Variants in PCDHGA5 observed in about 807,000 individuals in gnomAD.
PCDHGA5 encodes the protein protocadherin gamma-A5.
A neutral mutation model predicts 56.7 loss-of-function variants in PCDHGA5; 36 were observed. The observed-to-expected ratio is 0.64, with a 90% CI of 0.49 to 0.84. The LOEUF (loss-of-function observed/expected upper bound fraction) is 0.84, where lower values mean the gene tolerates loss of function less well. PCDHGA5 is among the 40% of genes least tolerant of loss of function. The pLI is 0.00. For synonymous variants in PCDHGA5, 563 were observed against 520.2 expected (o/e 1.08, Z -1.12); for missense variants, 1,305 against 1,201.5 (o/e 1.09, Z -1.27).
chr5:141,383,860 G>C lies in PCDHGA5; in HGVS notation c.2421+17109G>C, dbSNP rs772168555. On this transcript the variant is annotated intron_variant, in intron 1 of 3. Coordinates refer to ENST00000518069, the MANE Select transcript of PCDHGA5 (RefSeq NM_018918.3). ...TGCCTTCTATGAAATGGAGGTTCAG[G>C]CTCAAGATGGTCCTGGTAGTCTGAC... 6 of 1,613,808 alleles carry C rather than the reference G, an allele frequency of 3.7e-6. No homozygotes were observed. The Admixed American group carries it at 8.3e-5, about 22-fold the overall frequency.
chr5:141,405,265 C>T lies in PCDHGA5; in HGVS notation c.2421+38514C>T, dbSNP rs769240639. The T allele has an allele frequency of 4.3e-6, 7 of 1,614,106 alleles. No homozygotes were observed. In the Admixed American group the frequency reaches 1.2e-4, roughly 27 times the overall value. Reference sequence around the variant, plus strand: ...CAAGGAAGAGTCACCTGATCTTCCCCCAGCCCAACTATGCAGACACACTCA... The same window carrying T: ...CAAGGAAGAGTCACCTGATCTTCCCTCAGCCCAACTATGCAGACACACTCA... On this transcript the variant is annotated intron_variant, in intron 1 of 3. Coordinates refer to ENST00000518069, the MANE Select transcript of PCDHGA5 (RefSeq NM_018918.3).
chr5:141,483,786 C>T (rs2099587125), intron 1 of PCDHGA5, among the ~76,000 whole-genome samples: 1 of 152,136 alleles, frequency 6.6e-6, no homozygotes, highest in African/African-American at 2.4e-5. Context: ...AGGATAAGAA[C>T]TCCAGTTGTT....
At chr5:141,371,175 G>T (rs753971437) in intron 1 of PCDHGA5, 1 of 1,614,004 alleles carries the variant, frequency 6.2e-7, no homozygotes, top group South Asian at 1.1e-5. Flanking sequence ...TGGCTCCTCC[G>T]TATTAAAAGT....
chr5:141,372,259 G>A (rs1229622208), intron 1 of PCDHGA5: 9 of 1,613,108 alleles, frequency 5.6e-6, no homozygotes, highest in Non-Finnish European at 7.6e-6. Context: ...CTGGGCCTGC[G>A]CACGGGTGAG....
chr5:141,429,861 A>C (rs1483953460), intron 1 of PCDHGA5, among the ~76,000 whole-genome samples: 1 of 152,226 alleles, frequency 6.6e-6, no homozygotes, highest in Non-Finnish European at 1.5e-5. Flanking sequence ...TCTTTGGACT[A>C]CCAATTTTCT....
chr5:141,366,095 A>T lies in PCDHGA5; in HGVS notation c.1765A>T (p.Thr589Ser). 2 of 1,614,228 alleles carry T rather than the reference A, an allele frequency of 1.2e-6. No individual in the cohort carries two copies. Among genetic ancestry groups the T allele is most frequent in the African/African-American group, 1.3e-5 (1 of 75,074 alleles). The change falls in exon 1 of 4, where the codon ACC becomes TCC. Residue 589 changes from threonine to serine, a missense_variant. Thr to Ser is a moderately conservative substitution (Grantham distance 58). Coordinates refer to ENST00000518069, the MANE Select transcript of PCDHGA5 (RefSeq NM_018918.3). ...PRSAEPGYLV[T>S]KVVAVDKDSG... ...CTCCGCAGAACCTGGCTACCTGGTG[A>T]CCAAGGTGGTAGCGGTGGACAAAGA...
At chr5:141,372,252 G>A (rs768560692) in intron 1 of PCDHGA5, 4 of 1,613,140 alleles carry the variant, frequency 2.5e-6, no homozygotes, top group Admixed American at 1.7e-5. Context: ...GTTCAGCCTG[G>A]GCCTGCGCAC....
chr5:141,367,972 C>T (rs1765427011), intron 1 of PCDHGA5, among the ~76,000 whole-genome samples: 1 of 152,084 alleles, frequency 6.6e-6, no homozygotes, highest in Non-Finnish European at 1.5e-5. Context: ...CGTATGTGCT[C>T]ATCTTAAATT....
chr5:141,383,186 G>A (rs760844021), intron 1 of PCDHGA5: 4 of 1,614,100 alleles, frequency 2.5e-6, no homozygotes, highest in Non-Finnish European at 3.4e-6. Flanking sequence ...GAAGAGATCT[G>A]CGCTCAGAGT....
At position 141,487,289 on chromosome 5, in the gene PCDHGA5, G is replaced by T; in HGVS notation, c.2422-7518G>T. 6.2e-7 allele frequency: 1 copy of T among 1,614,096 alleles called. No individual in the cohort carries two copies. The highest frequency in any genetic ancestry group is 8.5e-7 in the Non-Finnish European group (1 of 1,180,024). On this transcript the variant is annotated intron_variant, in intron 1 of 3. Coordinates refer to ENST00000518069, the MANE Select transcript of PCDHGA5 (RefSeq NM_018918.3). The surrounding 1 kb of genome is among the most constrained non-coding windows in gnomAD (Gnocchi z 5.0). Reference sequence around the variant, plus strand: ...AGTGGCAATTTGCTTTGTCTCCTTTGGCTCATTCGTGGCACTACTCTCTAA... The same window carrying T: ...AGTGGCAATTTGCTTTGTCTCCTTTTGCTCATTCGTGGCACTACTCTCTAA...
chr5:141,389,843 G>A lies in PCDHGA5; in HGVS notation c.2421+23092G>A, dbSNP rs372102656. On this transcript the variant is annotated intron_variant, in intron 1 of 3. Transcript: ENST00000518069. ...GTGACGGTGGACAGCCACCACTCTC[G>A]GCCACTGCCACGTTGCACCTGGTCT... is the stretch of plus-strand genomic sequence containing the variant. The A allele has an allele frequency of 3.7e-6, 6 of 1,613,898 alleles. 1 individual carries two copies. The highest frequency in any genetic ancestry group is 2.7e-5 in the African/African-American group (2 of 74,948).
At position 141,432,412 on chromosome 5, in the gene PCDHGA5, C is replaced by G. The variant is rs773688197; in HGVS notation, c.2422-62395C>G. 1.9e-6 allele frequency: 3 copies of G among 1,614,246 alleles called. No individual in the cohort carries two copies. The highest frequency in any genetic ancestry group is 2.2e-5 in the East Asian group (1 of 44,882). ...GCAGCAACGTGTCGTTGAGCCTGTT[C>G]GTGCTGGACCAGAACGACAATGCGC... On this transcript the variant is annotated intron_variant, in intron 1 of 3. Transcript: ENST00000518069. This position sits in a 1 kb window ranked among gnomAD's most constrained non-coding sequence, Gnocchi z 6.0.
intron 1 of PCDHGA5, among the ~76,000 whole-genome samples, chr5:141,373,609 A>G (rs566827138): frequency 6.6e-6 from 1 of 152,384 alleles, no homozygotes; most frequent in South Asian, 2.1e-4. Context: ...TTCAAAATTT[A>G]CAGAAGATTG....
intron 1 of PCDHGA5, among the ~76,000 whole-genome samples, chr5:141,474,185 C>A (rs1481544975): frequency 6.6e-6 from 1 of 152,180 alleles, no homozygotes; most frequent in Non-Finnish European, 1.5e-5. Flanking sequence ...AAACTACTTA[C>A]ATTTTTAAAA....
At position 141,478,875 on chromosome 5, in the gene PCDHGA5, G is replaced by A. The variant is rs913320768; in HGVS notation, c.2422-15932G>A. On this transcript the variant is annotated intron_variant, in intron 1 of 3. Coordinates refer to ENST00000518069, the MANE Select transcript of PCDHGA5 (RefSeq NM_018918.3). ...ACAAGATCTCAGCGATCAGAGTTTA[G>A]CTTGGTATCATTTACATTAGGAATA... The A allele has an allele frequency of 2.4e-6, 3 of 1,273,470 alleles. No homozygotes were observed. The South Asian group carries it at 4.8e-5, about 21-fold the overall frequency. 78.9% of individuals were successfully genotyped at this position (1,273,470 alleles called of 1,614,324 possible).
rs745435492 is a variant in PCDHGA5, at chr5:141,489,215, A to G, written c.2422-5592A>G. The G allele has an allele frequency of 4.1e-6, 6 of 1,475,362 alleles. No homozygotes were observed. Among genetic ancestry groups the G allele is most frequent in the Non-Finnish European group, 5.5e-6 (6 of 1,093,140 alleles). 91.4% of individuals were successfully genotyped at this position (1,475,362 alleles called of 1,614,324 possible). A position where few individuals can be genotyped will look rare whatever the true frequency, so the allele number is the denominator to read the frequency against. ...CTTGGAGACAGGACAGCACAGACTT[A>G]CTCTCCACAAAGGGACTTCTGGGTC... On this transcript the variant is annotated intron_variant, in intron 1 of 3. Coordinates refer to ENST00000518069, the MANE Select transcript of PCDHGA5 (RefSeq NM_018918.3). The surrounding 1 kb of genome is among the most constrained non-coding windows in gnomAD (Gnocchi z 4.5).
intron 1 of PCDHGA5, among the ~76,000 whole-genome samples, chr5:141,459,690 C>A (rs1338211972): frequency 6.6e-6 from 1 of 152,174 alleles, no homozygotes; most frequent in African/African-American, 2.4e-5. Context: ...ATAAAGCGTT[C>A]CGCTTGCTAC....
rs969397099 is a variant in PCDHGA5, at chr5:141,477,807, C to T, written c.2422-17000C>T. 6.2e-6 allele frequency: 10 copies of T among 1,613,932 alleles called. No homozygotes were observed. Among genetic ancestry groups the T allele is most frequent in the African/African-American group, 1.3e-5 (1 of 74,922 alleles). ...TTTGTCACTGATCGCAATGACAATG[C>T]CCCCCAGGTCCTATATCCTCGGCCA... is the stretch of plus-strand genomic sequence containing the variant. On this transcript the variant is annotated intron_variant, in intron 1 of 3. Transcript: ENST00000518069. The surrounding 1 kb of genome is among the most constrained non-coding windows in gnomAD (Gnocchi z 4.9).
rs757333940 is a variant in PCDHGA5, at chr5:141,404,777, T to A, written c.2421+38026T>A. The A allele has an allele frequency of 7.4e-6, 12 of 1,613,404 alleles. 1 individual carries two copies. In the South Asian group the frequency reaches 1.3e-4, roughly 18 times the overall value. ...GAATGCTTGGCTCTCCTACCGCCTA[T>A]TCAAGGCCAGTGAGCCAGGGCTCTT... On this transcript the variant is annotated intron_variant, in intron 1 of 3. Transcript: ENST00000518069.
Sources: allele counts gnomAD v4.1 joint callset (sites outside exome capture counted in the v4.1 genomes callset), GRCh38; gene constraint gnomAD v4.1.1; non-coding constraint Gnocchi (gnomAD v3.1); transcripts MANE v1.5; gene names NCBI Gene and HGNC (gene_info 2026-07-23, HGNC 2026-07-21).